Variants in CDH12 observed in about 807,000 individuals in gnomAD.
CDH12 encodes the protein cadherin-12.
Under a neutral mutation model 74.1 loss-of-function variants are expected in CDH12, and 41 were observed. That is an observed-to-expected ratio of 0.55 (90% confidence interval 0.43 to 0.72). The LOEUF is 0.72. Among genes scored for constraint, CDH12 ranks in the 30% least tolerant of loss-of-function variants. CDH12 has a pLI of 0.00. For missense variants in CDH12, 945 were observed against 977.2 expected (o/e 0.97, Z 0.44); for synonymous variants, 399 against 355.0 (o/e 1.12, Z -1.39).
intron 2 of CDH12, among the ~76,000 whole-genome samples, chr5:22,489,639 T>A (rs576779031): frequency 1.3e-5 from 2 of 152,024 alleles, no homozygotes; most frequent in East Asian, 3.9e-4. Context: ...TAGCTGTAAA[T>A]GTAAAGACTG....
chr5:22,216,985 A>T (rs1751829157), intron 3 of CDH12, among the ~76,000 whole-genome samples: 1 of 151,828 alleles, frequency 6.6e-6, no homozygotes, highest in South Asian at 2.1e-4. Flanking sequence ...TGTTCTTTCT[A>T]CCTAATTCAG....
chr5:21,756,298 T>G (rs1351852577), intron 13 of CDH12, among the ~76,000 whole-genome samples: 1 of 152,114 alleles, frequency 6.6e-6, no homozygotes, highest in African/African-American at 2.4e-5. Context: ...ATGTTGTATA[T>G]GTATATATGT....
At chr5:22,281,801 A>G (rs1206413835) in intron 3 of CDH12, among the ~76,000 whole-genome samples, 1 of 152,210 alleles carries the variant, frequency 6.6e-6, no homozygotes, top group Non-Finnish European at 1.5e-5. Flanking sequence ...ATACTGCCCA[A>G]AGGAATTTAT....
intron 1 of CDH12, among the ~76,000 whole-genome samples, chr5:22,603,476 C>A (rs372042604): frequency 2.0e-5 from 3 of 152,046 alleles, no homozygotes; most frequent in East Asian, 1.9e-4. Context: ...TGTACACACA[C>A]GTAGCTGAAG....
intron 5 of CDH12, among the ~76,000 whole-genome samples, chr5:22,004,285 G>T (rs1580098326): frequency 6.6e-6 from 1 of 152,160 alleles, no homozygotes; most frequent in South Asian, 2.1e-4. Flanking sequence ...GTCAAAGCTA[G>T]TTATGAAGCC....
At chr5:22,808,887 G>T (rs1748967519) in intron 1 of CDH12, among the ~76,000 whole-genome samples, 1 of 150,550 alleles carries the variant, frequency 6.6e-6, no homozygotes, top group African/African-American at 2.4e-5. Context: ...GATTACAGGG[G>T]TGTGCCACCA....
intron 1 of CDH12, among the ~76,000 whole-genome samples, chr5:22,765,475 A>G (rs1746456074): frequency 6.6e-6 from 1 of 151,956 alleles, no homozygotes; most frequent in South Asian, 2.1e-4. Context: ...CAATCCACAG[A>G]TTTATAGAAG....
intron 5 of CDH12, among the ~76,000 whole-genome samples, chr5:22,065,923 A>T (rs1741525325): frequency 6.6e-6 from 1 of 152,152 alleles, no homozygotes; most frequent in East Asian, 1.9e-4. Flanking sequence ...CCTAGGAATG[A>T]AATAGGTAGG....
chr5:22,162,519 A>G (rs927039450), intron 4 of CDH12, among the ~76,000 whole-genome samples: 32 of 152,184 alleles, frequency 2.1e-4, no homozygotes, highest in Non-Finnish European at 2.5e-4. Context: ...TACAACGTCA[A>G]GCTCCCAATG....
intron 1 of CDH12, among the ~76,000 whole-genome samples, chr5:22,620,927 G>GT (rs1277313563): frequency 1.3e-5 from 2 of 152,160 alleles, no homozygotes. Flanking sequence ...CTTTGCTGCT[G>GT]TAAGAAAATT....
At chr5:22,528,610 A>G (rs1448263565) in intron 1 of CDH12, among the ~76,000 whole-genome samples, 1 of 152,168 alleles carries the variant, frequency 6.6e-6, no homozygotes, top group East Asian at 1.9e-4. Context: ...GTGGTGCTTA[A>G]GCTGGAAATT....
intron 6 of CDH12, among the ~76,000 whole-genome samples, chr5:21,909,491 CAT>C (rs1397325291): frequency 1.3e-5 from 2 of 152,062 alleles, no homozygotes; most frequent in African/African-American, 4.8e-5. Context: ...CGAGTTGTCA[CAT>C]ATTACAATTA....
chr5:22,179,452 T>C (rs1749518984), intron 4 of CDH12, among the ~76,000 whole-genome samples: 1 of 152,184 alleles, frequency 6.6e-6, no homozygotes, highest in East Asian at 1.9e-4. Flanking sequence ...TAAACTATGA[T>C]ATTTTGCTCA....
intron 1 of CDH12, among the ~76,000 whole-genome samples, chr5:22,665,095 T>C (rs553125000): frequency 4.3e-4 from 65 of 152,206 alleles, no homozygotes; most frequent in Admixed American, 1.4e-3. Context: ...TCTGGAATTA[T>C]AGGTGTGCAC....
intron 1 of CDH12, among the ~76,000 whole-genome samples, chr5:22,821,956 G>T (rs1199424647): frequency 6.6e-6 from 1 of 152,008 alleles, no homozygotes; most frequent in Non-Finnish European, 1.5e-5. Context: ...AAAGCTGGAG[G>T]CATCACGCTA....
chr5:22,162,891 CTTTTTTT>C (rs70957097), intron 4 of CDH12, among the ~76,000 whole-genome samples: 1 of 80,526 alleles, frequency 1.2e-5, no homozygotes, highest in Admixed American at 1.5e-4. Flanking sequence ...TTCCCTCTGA[CTTTTTTT>C]TTTTTTTTTT....
At chr5:22,725,325 A>C (rs1328665882) in intron 1 of CDH12, among the ~76,000 whole-genome samples, 1 of 151,914 alleles carries the variant, frequency 6.6e-6, no homozygotes, top group Non-Finnish European at 1.5e-5. Flanking sequence ...ACAATGGATG[A>C]GCCATATTTT....
intron 1 of CDH12, among the ~76,000 whole-genome samples, chr5:22,777,205 T>A (rs917958147): frequency 6.6e-6 from 1 of 152,166 alleles, no homozygotes; most frequent in South Asian, 2.1e-4. Context: ...TTCCAAAGAA[T>A]GATTCCCTTC....
chr5:22,331,666 G>C (rs1414651685), intron 3 of CDH12, among the ~76,000 whole-genome samples: 2 of 152,070 alleles, frequency 1.3e-5, no homozygotes, highest in Non-Finnish European at 2.9e-5. Flanking sequence ...ACTAAATAAG[G>C]CATCAGAGAC....
Sources: allele counts gnomAD v4.1 joint callset (sites outside exome capture counted in the v4.1 genomes callset), GRCh38; gene constraint gnomAD v4.1.1; transcripts MANE v1.5; gene names NCBI Gene and HGNC (gene_info 2026-07-23, HGNC 2026-07-21).